Variants in NADK2 observed in about 807,000 individuals in gnomAD.
NADK2 encodes the protein NAD kinase 2, mitochondrial.
In NADK2, 35 loss-of-function variants were observed where a neutral mutation model predicts 62.1. The observed-to-expected ratio is 0.56, with a 90% CI of 0.43 to 0.75. The LOEUF (loss-of-function observed/expected upper bound fraction) is 0.75, where lower values mean the gene tolerates loss of function less well. NADK2 is among the 30% of genes least tolerant of loss of function. The probability of loss-of-function intolerance (pLI) is 0.00; values close to 1 mark genes in which losing one functional copy is unlikely to be tolerated. For missense variants in NADK2, 439 were observed against 561.3 expected (o/e 0.78, Z 2.20); for synonymous variants, 205 against 207.9 (o/e 0.99, Z 0.12).
Position 36,213,618 on chromosome 5 carries a change from C to CATATATATATAT in NADK2, c.782-1708_782-1697dup, listed in dbSNP as rs58371779. ...TGATACAAAAAGCTATATATGCATG[C>CATATATATATAT]ATATATATATATATGGATTTGATAT... On this transcript the variant is annotated intron_variant, in intron 6 of 11. Coordinates refer to ENST00000381937, the MANE Select transcript of NADK2 (RefSeq NM_001085411.3). 1.5e-3 allele frequency among the ~76,000 whole-genome samples: 162 copies of CATATATATATAT among 107,550 alleles called. 4 individuals carry two copies. The highest frequency in any genetic ancestry group is 3.1e-3 in the African/African-American group (106 of 34,140). 70.6% of individuals were successfully genotyped at this position (107,550 alleles called of 152,430 possible).
chr5:36,202,766 T>C (rs1336450625), intron 8 of NADK2, among the ~76,000 whole-genome samples: 2 of 152,088 alleles, frequency 1.3e-5, no homozygotes, highest in Admixed American at 1.3e-4. Context: ...GAGCTATGTT[T>C]AGAAGGTGGT....
intron 1 of NADK2, among the ~76,000 whole-genome samples, chr5:36,239,774 T>A (rs1413800035): frequency 6.6e-6 from 1 of 152,200 alleles, no homozygotes; most frequent in African/African-American, 2.4e-5. Flanking sequence ...TATCTGGTAC[T>A]ACCTCTGCAA....
chr5:36,236,867 C>CA (rs5867308), intron 1 of NADK2, among the ~76,000 whole-genome samples: 49,536 of 95,568 alleles, frequency 0.52, 12,624 homozygotes, highest in Non-Finnish European at 0.63. Context: ...AGCTTAACCT[C>CA]AAAAAAAAAA....
rs113078878 is a variant in NADK2, at chr5:36,225,701, G to A, written c.479-78C>T. The A allele has an allele frequency of 3.9e-5, 54 of 1,374,940 alleles. 2 individuals carry two copies. The highest frequency in any genetic ancestry group is 3.0e-4 in the African/African-American group (21 of 70,212). 85.2% of individuals were successfully genotyped at this position (1,374,940 alleles called of 1,614,324 possible). On this transcript the variant is annotated intron_variant, in intron 3 of 11. Coordinates refer to ENST00000381937, the MANE Select transcript of NADK2 (RefSeq NM_001085411.3). ...TAGTTTTTGGCCATTTTGAAAATCA[G>A]TAGTTTTAACAATCATACCCCACCC...
At chr5:36,200,555 C>T (rs1014118319) in intron 9 of NADK2, among the ~76,000 whole-genome samples, 2 of 151,854 alleles carry the variant, frequency 1.3e-5, no homozygotes, top group Non-Finnish European at 2.9e-5. Flanking sequence ...AACCATGATA[C>T]AAAAATATTA....
chr5:36,229,926 TC>T (rs1248592868), intron 1 of NADK2, among the ~76,000 whole-genome samples: 1 of 151,240 alleles, frequency 6.6e-6, no homozygotes. Flanking sequence ...AGCCGATGCC[TC>T]CTTTTTTGCT....
Position 36,195,076 on chromosome 5 carries a change from G to T in NADK2, c.*68C>A, listed in dbSNP as rs191084329. ...CAATAACCAAAAAATGTCACTTTACGACTGGTAGTCTGTTTCTGAAGTAAA... is the reference window on the plus strand; with the variant it reads ...CAATAACCAAAAAATGTCACTTTACTACTGGTAGTCTGTTTCTGAAGTAAA... On this transcript the variant is annotated 3_prime_UTR_variant, in exon 12 of 12. Transcript: ENST00000381937. 6.6e-7 allele frequency: 1 copy of T among 1,522,862 alleles called. No individual in the cohort carries two copies. The highest frequency in any genetic ancestry group is 1.3e-5 in the South Asian group (1 of 75,938). The allele number at this position is 1,522,862 out of a possible 1,614,324, so 94.3% of individuals were successfully genotyped here.
At chr5:36,235,115 T>G (rs964300360) in intron 1 of NADK2, among the ~76,000 whole-genome samples, 1 of 152,190 alleles carries the variant, frequency 6.6e-6, no homozygotes, top group Non-Finnish European at 1.5e-5. Flanking sequence ...ATATTGCCAA[T>G]AGTGACACTG....
chr5:36,240,040 C>T (rs574104442), intron 1 of NADK2, among the ~76,000 whole-genome samples: 1 of 152,268 alleles, frequency 6.6e-6, no homozygotes, highest in African/African-American at 2.4e-5. Context: ...ATCCTACAAG[C>T]TAGACTTTGC....
At chr5:36,197,045 T>C (rs900720682) in intron 11 of NADK2, among the ~76,000 whole-genome samples, 1 of 152,038 alleles carries the variant, frequency 6.6e-6, no homozygotes, top group Non-Finnish European at 1.5e-5. Flanking sequence ...AGAAATTACA[T>C]CCACTTTTTT....
intron 1 of NADK2, among the ~76,000 whole-genome samples, chr5:36,236,879 A>AC (rs908078751): frequency 1.3e-5 from 2 of 151,286 alleles, no homozygotes; most frequent in African/African-American, 4.8e-5. Context: ...AAAAAAAAAA[A>AC]AAAAAAAACA....
chr5:36,235,906 TAA>T (rs869174817), intron 1 of NADK2, among the ~76,000 whole-genome samples: 547 of 2,786 alleles, frequency 0.2, 4 homozygotes, highest in African/African-American at 0.31. Flanking sequence ...TATATATATA[TAA>T]AAAATAAATT....
chr5:36,241,831 CG>C lies in NADK2; in HGVS notation c.-34del. On this transcript the variant is annotated 5_prime_UTR_variant, in exon 1 of 12. Transcript: ENST00000381937. The surrounding 1 kb of genome is among the most constrained non-coding windows in gnomAD (Gnocchi z 4.9). ...CGGGCCGCGGCCGCGGGCTTGGGCT[CG>C]GGCCCCTTGCCTCAGCTCCCTACCG... The C allele has an allele frequency of 7.9e-7, 1 of 1,267,694 alleles. No homozygotes were observed. Among genetic ancestry groups the C allele is most frequent in the Non-Finnish European group, 9.9e-7 (1 of 1,007,974 alleles). The allele number at this position is 1,267,694 out of a possible 1,614,324, so 78.5% of individuals were successfully genotyped here. A position where few individuals can be genotyped will look rare whatever the true frequency, so the allele number is the denominator to read the frequency against.
intron 10 of NADK2, among the ~76,000 whole-genome samples, chr5:36,199,977 C>T (rs572108994): frequency 6.6e-6 from 1 of 152,050 alleles, no homozygotes; most frequent in East Asian, 1.9e-4. Flanking sequence ...TTCTGTAATT[C>T]CCTATCCCCC....
chr5:36,222,361 C>CT (rs1747304964), intron 4 of NADK2, among the ~76,000 whole-genome samples: 1 of 152,124 alleles, frequency 6.6e-6, no homozygotes, highest in Non-Finnish European at 1.5e-5. Flanking sequence ...AAAAGCATCC[C>CT]TGTGTGAGCC....
intron 6 of NADK2, among the ~76,000 whole-genome samples, chr5:36,216,506 G>A (rs1747049286): frequency 6.6e-6 from 1 of 152,010 alleles, no homozygotes; most frequent in Non-Finnish European, 1.5e-5. Context: ...CCAACGTGCT[G>A]AATAATTTCC....
chr5:36,210,444 A>G (rs1271579377), intron 7 of NADK2, among the ~76,000 whole-genome samples: 1 of 152,192 alleles, frequency 6.6e-6, no homozygotes, highest in Non-Finnish European at 1.5e-5. Flanking sequence ...AATGGTTATA[A>G]TCTTGAACTG....
chr5:36,235,290 A>G (rs1579640791), intron 1 of NADK2, among the ~76,000 whole-genome samples: 4 of 152,354 alleles, frequency 2.6e-5, no homozygotes, highest in Admixed American at 2.6e-4. Flanking sequence ...AAAGGAATCT[A>G]CTTTGGAGTT....
intron 4 of NADK2, among the ~76,000 whole-genome samples, chr5:36,220,150 A>C (rs1484672270): frequency 6.6e-6 from 1 of 152,252 alleles, no homozygotes; most frequent in Non-Finnish European, 1.5e-5. Flanking sequence ...CAAAATATTT[A>C]TGTGAAATGT....
Sources: gnomAD v4.1 joint callset for allele counts (sites outside exome capture counted in the v4.1 genomes callset) on GRCh38, gnomAD v4.1.1 for gene constraint, Gnocchi (gnomAD v3.1) non-coding constraint, MANE v1.5 for transcripts, NCBI Gene and HGNC (gene_info 2026-07-23, HGNC 2026-07-21) for gene names.